The following SH3GL3 variants were observed in gnomAD, a reference collection of about 807,000 sequenced individuals.
The protein encoded by SH3GL3 is endophilin-A3.
Under a neutral mutation model 47.7 loss-of-function variants are expected in SH3GL3, and 33 were observed. The observed-to-expected ratio is 0.69, with a 90% CI of 0.52 to 0.92. SH3GL3 has a LOEUF of 0.92. SH3GL3 is among the 40% of genes least tolerant of loss of function. SH3GL3 has a pLI of 0.00. For synonymous variants in SH3GL3, 155 were observed against 148.8 expected (o/e 1.04, Z -0.30); for missense variants, 363 against 417.8 (o/e 0.87, Z 1.14).
At chr15:83,591,808 C>G (rs951617148) in intron 8 of SH3GL3, among the ~76,000 whole-genome samples, 1 of 152,176 alleles carries the variant, frequency 6.6e-6, no homozygotes, top group Non-Finnish European at 1.5e-5. Context: ...GCCTCGGCCC[C>G]CCGAGTAGCT....
At chr15:83,501,593 A>G (rs1423015039) in intron 1 of SH3GL3, among the ~76,000 whole-genome samples, 1 of 152,184 alleles carries the variant, frequency 6.6e-6, no homozygotes, top group African/African-American at 2.4e-5. Flanking sequence ...TCTTGCCTTT[A>G]AGATTTACTG....
At chr15:83,480,432 T>G (rs2041297201) in intron 1 of SH3GL3, among the ~76,000 whole-genome samples, 1 of 152,236 alleles carries the variant, frequency 6.6e-6, no homozygotes, top group African/African-American at 2.4e-5. Flanking sequence ...ATGAGAAAAC[T>G]GAGGCATGCA....
intron 8 of SH3GL3, among the ~76,000 whole-genome samples, chr15:83,605,866 C>T (rs1029337285): frequency 1.3e-5 from 2 of 152,084 alleles, no homozygotes; most frequent in African/African-American, 4.8e-5. Context: ...GAAACATGTG[C>T]CTGTGTAGCT....
intron 1 of SH3GL3, among the ~76,000 whole-genome samples, chr15:83,519,871 G>A (rs984007816): frequency 2.6e-5 from 4 of 152,136 alleles, no homozygotes; most frequent in Admixed American, 6.6e-5. Context: ...ATCTTCTAAA[G>A]CTTTATAGTT....
chr15:83,485,051 C>T (rs764116652), intron 1 of SH3GL3, among the ~76,000 whole-genome samples: 4 of 152,168 alleles, frequency 2.6e-5, no homozygotes, highest in Non-Finnish European at 4.4e-5. Context: ...ATCTCTCTGT[C>T]TCCTATTTTC....
intron 2 of SH3GL3, 49 bp from the exon 3 acceptor site, chr15:83,565,085 T>A: frequency 1.3e-6 from 1 of 787,422 alleles, no homozygotes; most frequent in Non-Finnish European, 2.1e-6. Context: ...TCTTTTGTGA[T>A]TTTATTGAGT....
rs1275377851 is a variant in SH3GL3, at chr15:83,463,767, C to CTTTCT, written c.45+16192_45+16193insCTTTT. ...TGTCCCATGTCTGCTTTCTTTCTTT[C>CTTTCT]TTTTTTTTTTTTTTTTTTTGAGACA... On this transcript the variant is annotated intron_variant, in intron 1 of 8. Transcript: ENST00000427482. Among the ~76,000 whole-genome samples the CTTTCT allele has an allele frequency of 7.2e-3, 880 of 122,916 alleles. 41 individuals are homozygous for CTTTCT. The highest frequency in any genetic ancestry group is 0.063 in the Admixed American group (682 of 10,832). The allele number at this position is 122,916 out of a possible 152,430, so 80.6% of individuals were successfully genotyped here.
At chr15:83,516,318 T>A (rs568801969) in intron 1 of SH3GL3, among the ~76,000 whole-genome samples, 1 of 152,334 alleles carries the variant, frequency 6.6e-6, no homozygotes, top group East Asian at 1.9e-4. Context: ...CTTTTATAGT[T>A]ACATACTCCT....
chr15:83,544,351 C>G (rs2044305553), intron 1 of SH3GL3, among the ~76,000 whole-genome samples: 1 of 151,946 alleles, frequency 6.6e-6, no homozygotes, highest in African/African-American at 2.4e-5. Flanking sequence ...TAGTTTTATT[C>G]CATTGTGGTC....
chr15:83,580,037 G>A (rs1380878640), intron 6 of SH3GL3, among the ~76,000 whole-genome samples: 1 of 152,174 alleles, frequency 6.6e-6, no homozygotes, highest in Non-Finnish European at 1.5e-5. Context: ...CATGGTTGAT[G>A]GGGCATACAT....
At chr15:83,541,368 C>T (rs1189108446) in intron 1 of SH3GL3, among the ~76,000 whole-genome samples, 1 of 108,280 alleles carries the variant, frequency 9.2e-6, no homozygotes, top group Non-Finnish European at 1.7e-5. Flanking sequence ...GAGTCTCGCT[C>T]TGTCGCCCAG....
At chr15:83,534,628 AAATT>A (rs1315319073) in intron 1 of SH3GL3, among the ~76,000 whole-genome samples, 1 of 152,218 alleles carries the variant, frequency 6.6e-6, no homozygotes, top group African/African-American at 2.4e-5. Context: ...AAGAAAATAA[AAATT>A]AACTCCAGGT....
intron 1 of SH3GL3, among the ~76,000 whole-genome samples, chr15:83,508,783 G>T (rs180837263): frequency 6.6e-6 from 1 of 151,906 alleles, no homozygotes; most frequent in Non-Finnish European, 1.5e-5. Flanking sequence ...TCACCATCTG[G>T]TTGGCCACCA....
Position 83,557,050 on chromosome 15 carries a change from A to G in SH3GL3, c.46-2203A>G, listed in dbSNP as rs112013518. Among the ~76,000 whole-genome samples, 69 of 152,340 alleles carry G rather than the reference A, an allele frequency of 4.5e-4. 1 individual carries two copies. Among genetic ancestry groups the G allele is most frequent in the African/African-American group, 1.6e-3 (65 of 41,572 alleles). ...GTACTGATTTGGAATTTATAGCTAT[A>G]CAGTGTGGTTTACACTCTTCTATTG... On this transcript the variant is annotated intron_variant, in intron 1 of 8. Coordinates refer to ENST00000427482, the MANE Select transcript of SH3GL3 (RefSeq NM_003027.5).
chr15:83,511,563 A>C (rs2042750694), intron 1 of SH3GL3, among the ~76,000 whole-genome samples: 1 of 152,214 alleles, frequency 6.6e-6, no homozygotes, highest in Admixed American at 6.5e-5. Context: ...AAATGAAAAA[A>C]GTTGAAAACA....
intron 1 of SH3GL3, among the ~76,000 whole-genome samples, chr15:83,488,797 CT>C (rs1294009084): frequency 6.6e-6 from 1 of 152,252 alleles, no homozygotes; most frequent in East Asian, 1.9e-4. Flanking sequence ...GAATCTCTTC[CT>C]GTCAGTAGAA....
intron 8 of SH3GL3, among the ~76,000 whole-genome samples, chr15:83,594,215 A>T (rs2060183124): frequency 6.6e-6 from 1 of 152,188 alleles, no homozygotes; most frequent in Non-Finnish European, 1.5e-5. Flanking sequence ...ATTTTGTCAG[A>T]TGCCTTTTTT....
chr15:83,586,635 T>G (rs2059962312), intron 6 of SH3GL3, among the ~76,000 whole-genome samples: 1 of 152,224 alleles, frequency 6.6e-6, no homozygotes, highest in Non-Finnish European at 1.5e-5. Flanking sequence ...AATGTTGGCT[T>G]CGTTTGTAAC....
chr15:83,470,426 C>T (rs1465719529), intron 1 of SH3GL3, among the ~76,000 whole-genome samples: 5 of 152,166 alleles, frequency 3.3e-5, no homozygotes, highest in Admixed American at 6.5e-5. Flanking sequence ...GGTTTTGCCA[C>T]GTTGGCCAGG....
Sources: allele counts gnomAD v4.1 joint callset (sites outside exome capture counted in the v4.1 genomes callset), GRCh38; gene constraint gnomAD v4.1.1; transcripts MANE v1.5; gene names NCBI Gene and HGNC (gene_info 2026-07-23, HGNC 2026-07-21).